NECAB3: variants seen among roughly 807,000 people sequenced by gnomAD.
NECAB3 encodes the protein N-terminal EF-hand calcium-binding protein 3.
NECAB3 carries 38 observed loss-of-function variants against 57.2 expected under a neutral mutation model. That is an observed-to-expected ratio of 0.66 (90% CI 0.51 to 0.87). The LOEUF (loss-of-function observed/expected upper bound fraction) is 0.87, where lower values mean the gene tolerates loss of function less well. Ranked by LOEUF, NECAB3 falls within the 40% of genes least tolerant of loss-of-function variation. The pLI is 0.00. For missense variants in NECAB3, 474 were observed against 527.5 expected, an observed-to-expected ratio of 0.90 and a Z score of 0.99; for synonymous variants, 223 against 222.6, an observed-to-expected ratio of 1.00 and a Z score of -0.02.
chr20:33,670,899 A>G, intron 2 of NECAB3, 107 bp from the exon 3 acceptor site: 1 of 726,046 alleles, frequency 1.4e-6, no homozygotes, highest in Non-Finnish European at 2.3e-6. Flanking sequence ...TCTGACAACC[A>G]TCTAGCTAGG....
Position 33,661,325 on chromosome 20 carries a change from G to A in NECAB3, c.388-930C>T, listed in dbSNP as rs113116282. 2.8e-3 allele frequency among the ~76,000 whole-genome samples: 429 copies of A among 152,284 alleles called. 1 individual carries two copies. Among genetic ancestry groups the A allele is most frequent in the Middle Eastern group, 0.017 (5 of 292 alleles). On this transcript the variant is annotated intron_variant, in intron 5 of 11. Transcript: ENST00000246190. ...CACACACACACGCATCAGGGTGGGA[G>A]TCCTGGGGAGCTGCAGTCCAGGTGC...
At chr20:33,663,627 C>T (rs1197789699) in intron 5 of NECAB3, 3 of 1,608,652 alleles carry the variant, frequency 1.9e-6, no homozygotes, top group South Asian at 1.1e-5. Context: ...GGCTGGGCTC[C>T]CCGGCGGCAC....
chr20:33,670,958 A>C (rs1482565689), intron 2 of NECAB3, among the ~76,000 whole-genome samples, 166 bp from the exon 3 acceptor site: 1 of 152,186 alleles, frequency 6.6e-6, no homozygotes, highest in Non-Finnish European at 1.5e-5. Flanking sequence ...TGGGGACAAA[A>C]GGACTGGGGT....
chr20:33,668,748 AC>A (rs1467790201), intron 5 of NECAB3, among the ~76,000 whole-genome samples: 1 of 152,238 alleles, frequency 6.6e-6, no homozygotes, highest in Non-Finnish European at 1.5e-5. Context: ...GGGCCTGCTC[AC>A]TGCTCCCTCC....
chr20:33,669,158 C>G (rs2017770115), intron 5 of NECAB3: 1 of 564,984 alleles, frequency 1.8e-6, no homozygotes, highest in Non-Finnish European at 3.1e-6. Context: ...TCTCACTGGT[C>G]ACAGTGATGT....
chr20:33,662,065 C>T, intron 5 of NECAB3: 1 of 327,726 alleles, frequency 3.1e-6, no homozygotes, highest in Non-Finnish European at 5.7e-6. Context: ...AAGTTAGTAG[C>T]AGGGCCAAAA....
chr20:33,669,067 A>C, intron 5 of NECAB3: 2 of 349,310 alleles, frequency 5.7e-6, no homozygotes, highest in East Asian at 6.5e-5. Flanking sequence ...AGCAGCCCCT[A>C]GTATGAAGCA....
intron 5 of NECAB3, chr20:33,663,805 G>T: frequency 7.2e-7 from 1 of 1,397,090 alleles, no homozygotes; most frequent in Non-Finnish European, 9.2e-7. Flanking sequence ...GGCTCCCCGC[G>T]AAGCCGGCCC....
intron 5 of NECAB3, chr20:33,667,858 T>C (rs935695792): frequency 6.2e-7 from 1 of 1,606,340 alleles, no homozygotes; most frequent in African/African-American, 1.3e-5. Context: ...CAGTGAGCGC[T>C]TCCGCTGCCC....
intron 5 of NECAB3, chr20:33,666,521 T>A (rs1356628791): frequency 2.0e-5 from 3 of 152,364 alleles, no homozygotes. Context: ...CAAGCCCAGG[T>A]GAGAGGTGCC....
rs141969034 is a variant in NECAB3, at chr20:33,662,379, G to T, written c.388-1984C>A. ...CTATAGTTCCCACAAAAGGACCAAA[G>T]CACCCAAGCAGGCCCGCAAGGAGAG... is the stretch of plus-strand genomic sequence containing the variant. On this transcript the variant is annotated intron_variant, in intron 5 of 11. Coordinates refer to ENST00000246190, the MANE Select transcript of NECAB3 (RefSeq NM_031232.4). 40 of 1,551,374 alleles carry T rather than the reference G, an allele frequency of 2.6e-5. No homozygotes were observed. The African/African-American group carries it at 5.5e-4, about 21-fold the overall frequency.
intron 2 of NECAB3, 138 bp from the exon 3 acceptor site, chr20:33,670,930 A>G: frequency 1.6e-6 from 1 of 624,824 alleles, no homozygotes; most frequent in Non-Finnish European, 2.8e-6. Flanking sequence ...GTCTGAGGTC[A>G]GTGGGGGGCC....
At chr20:33,667,409 T>C in intron 5 of NECAB3, 2 of 1,404,488 alleles carry the variant, frequency 1.4e-6, no homozygotes, top group Non-Finnish European at 1.8e-6. Context: ...TGGCCCGTGC[T>C]GGTGAGCGAC....
intron 3 of NECAB3, among the ~76,000 whole-genome samples, chr20:33,670,051 G>A (rs181025132): frequency 2.7e-4 from 41 of 152,316 alleles, no homozygotes; most frequent in Admixed American, 2.2e-3. Context: ...GTCCAGGGAC[G>A]GCATGGGGTA....
intron 5 of NECAB3, chr20:33,663,375 G>A (rs1334981853): frequency 2.6e-6 from 2 of 766,306 alleles, no homozygotes; most frequent in South Asian, 1.9e-5. Flanking sequence ...GAATTGGACA[G>A]GGGTCCCCTC....
rs748691280 is a variant in NECAB3 at position 33,658,745 on chromosome 20, T to G, written c.969A>C (p.Thr323=). 13 of 1,613,556 alleles carry G rather than the reference T, an allele frequency of 8.1e-6. No homozygotes were observed. The highest frequency in any genetic ancestry group is 1.1e-5 in the Non-Finnish European group (13 of 1,179,930). Residue 323 remains threonine, a synonymous_variant, in exon 9 of 12, where the codon ACA becomes ACC. Coordinates refer to ENST00000246190, the MANE Select transcript of NECAB3 (RefSeq NM_031232.4). Reference sequence around the variant, plus strand: ...ACTGCAGACAATGGCTCTGGGCCCCTGTGAAGTCCACATAGCAGCGCAGGG... The same window carrying G: ...ACTGCAGACAATGGCTCTGGGCCCCGGTGAAGTCCACATAGCAGCGCAGGG... ...HRALRCYVDF[T]GAQSHCLHVS...
chr20:33,663,704 G>A (rs1199326947), intron 5 of NECAB3: 2 of 1,537,998 alleles, frequency 1.3e-6, no homozygotes, highest in Non-Finnish European at 1.7e-6. Flanking sequence ...CTGCTGCTGC[G>A]GCGGCAAGAG....
Position 33,667,784 on chromosome 20 carries a change from G to A in NECAB3, c.387+1591C>T, listed in dbSNP as rs543865222. ...TCCCTGGACTTCGAGGGCGACCTCC[G>A]CGACCCCGCCCGCCACCATCCGGCC... On this transcript the variant is annotated intron_variant, in intron 5 of 11. Transcript: ENST00000246190. 2.2e-5 allele frequency: 35 copies of A among 1,612,378 alleles called. No homozygotes were observed. The South Asian group carries it at 2.5e-4, about 12-fold the overall frequency.
intron 5 of NECAB3, chr20:33,666,376 T>A (rs1199080117): frequency 6.6e-6 from 1 of 152,336 alleles, no homozygotes; most frequent in Non-Finnish European, 1.5e-5. Context: ...GAAGAGAGGA[T>A]GGGTCCAGGG....
Sources: gnomAD v4.1 joint callset for allele counts (sites outside exome capture counted in the v4.1 genomes callset) on GRCh38, gnomAD v4.1.1 for gene constraint, MANE v1.5 for transcripts, NCBI Gene and HGNC (gene_info 2026-07-23, HGNC 2026-07-21) for gene names.